The following ADGRB3 variants were observed in gnomAD, a reference collection of about 807,000 sequenced individuals.
ADGRB3 encodes the protein brain-specific angiogenesis inhibitor 3.
A neutral mutation model predicts 193.4 loss-of-function variants in ADGRB3; 37 were observed. The observed-to-expected ratio is 0.19, with a 90% confidence interval of 0.15 to 0.25. ADGRB3 has a LOEUF of 0.25. Ranked by LOEUF, ADGRB3 falls within the 10% of genes least tolerant of loss-of-function variation. ADGRB3 has a pLI of 1.00. For missense variants in ADGRB3, 1,637 were observed against 1,852.9 expected, an observed-to-expected ratio of 0.88 and a Z score of 2.14; for synonymous variants, 690 against 644.2, an observed-to-expected ratio of 1.07 and a Z score of -1.08.
chr6:69,366,808 T>C (rs1165597104), intron 29 of ADGRB3, among the ~76,000 whole-genome samples: 1 of 152,124 alleles, frequency 6.6e-6, no homozygotes, highest in East Asian at 1.9e-4. Flanking sequence ...TTGAACACTT[T>C]TGGCTGTTGT....
intron 3 of ADGRB3, among the ~76,000 whole-genome samples, chr6:68,893,972 T>C (rs1582291518): frequency 6.6e-6 from 1 of 152,078 alleles, no homozygotes; most frequent in East Asian, 1.9e-4. Flanking sequence ...ATAGATGATA[T>C]ATGTATCAAT....
intron 3 of ADGRB3, among the ~76,000 whole-genome samples, chr6:68,865,038 G>A (rs1295315937): frequency 6.6e-6 from 1 of 152,078 alleles, no homozygotes; most frequent in Admixed American, 6.6e-5. Flanking sequence ...TTTCTATACT[G>A]AAGGCTAACT....
intron 17 of ADGRB3, among the ~76,000 whole-genome samples, chr6:69,154,747 G>A (rs1774783852): frequency 6.6e-6 from 1 of 152,008 alleles, no homozygotes; most frequent in Non-Finnish European, 1.5e-5. Flanking sequence ...TTCACACAAT[G>A]CCTACCCCAT....
chr6:69,124,557 T>C (rs1773805441), intron 17 of ADGRB3, among the ~76,000 whole-genome samples: 1 of 152,166 alleles, frequency 6.6e-6, no homozygotes. Flanking sequence ...TTACATACTT[T>C]ATAGAGACTG....
chr6:69,079,870 G>A (rs893949606), intron 17 of ADGRB3, among the ~76,000 whole-genome samples: 11 of 151,936 alleles, frequency 7.2e-5, no homozygotes, highest in African/African-American at 1.9e-4. Flanking sequence ...AAAGTGTTTC[G>A]TTAATCCATT....
chr6:68,967,423 T>G (rs1184642061), intron 8 of ADGRB3, among the ~76,000 whole-genome samples: 1 of 152,066 alleles, frequency 6.6e-6, no homozygotes, highest in East Asian at 1.9e-4. Flanking sequence ...TGGGGGATTC[T>G]AAAAAATGGT....
intron 17 of ADGRB3, among the ~76,000 whole-genome samples, chr6:69,102,532 G>T (rs1424346718): frequency 2.6e-5 from 4 of 152,192 alleles, no homozygotes; most frequent in Non-Finnish European, 5.9e-5. Flanking sequence ...GGGATCAGGG[G>T]TTGCTGGCAT....
chr6:69,071,769 GT>G (rs1772086946), intron 16 of ADGRB3, among the ~76,000 whole-genome samples: 1 of 151,936 alleles, frequency 6.6e-6, no homozygotes, highest in Non-Finnish European at 1.5e-5. Flanking sequence ...CATCTGTCTT[GT>G]TTACCTGAGA....
chr6:68,705,124 C>A (rs535426084), intron 3 of ADGRB3, among the ~76,000 whole-genome samples: 6 of 152,158 alleles, frequency 3.9e-5, no homozygotes, highest in Non-Finnish European at 8.8e-5. Flanking sequence ...TTATTAGGCA[C>A]CAACTTTGTA....
chr6:68,699,250 T>A (rs1765203587), intron 3 of ADGRB3, among the ~76,000 whole-genome samples: 1 of 152,042 alleles, frequency 6.6e-6, no homozygotes. Context: ...ACCAGATGGG[T>A]GCATCTATTT....
chr6:69,059,330 T>G (rs1297774690), intron 15 of ADGRB3, among the ~76,000 whole-genome samples: 2 of 152,114 alleles, frequency 1.3e-5, no homozygotes, highest in Non-Finnish European at 2.9e-5. Context: ...TACTTTTACT[T>G]TCAGTCTATG....
chr6:68,754,136 C>T (rs1036148547), intron 3 of ADGRB3, among the ~76,000 whole-genome samples: 2 of 152,104 alleles, frequency 1.3e-5, no homozygotes, highest in African/African-American at 4.8e-5. Context: ...AAGTTGAAGA[C>T]TAAATCTAAG....
chr6:68,876,115 T>C lies in ADGRB3; in HGVS notation c.758-54444T>C, dbSNP rs118131083. On this transcript the variant is annotated intron_variant, in intron 3 of 31. Coordinates refer to ENST00000370598, the MANE Select transcript of ADGRB3 (RefSeq NM_001704.3). ...TAAATACTTATTCAATCAATAAATA[T>C]GTATTAAGGATACCAATCAGACAGA... Among the ~76,000 whole-genome samples, 132 of 152,310 alleles carry C rather than the reference T, an allele frequency of 8.7e-4. 1 individual carries two copies. The highest frequency in any genetic ancestry group is 2.0e-3 in the Admixed American group (31 of 15,292).
At chr6:68,979,108 GT>G (rs1554232231) in intron 10 of ADGRB3, among the ~76,000 whole-genome samples, 2 of 144,886 alleles carry the variant, frequency 1.4e-5, no homozygotes, top group East Asian at 2.0e-4. Flanking sequence ...TGGACATTTG[GT>G]TTTTTTCTTT....
chr6:68,793,169 T>A (rs960847511), intron 3 of ADGRB3, among the ~76,000 whole-genome samples: 1 of 152,170 alleles, frequency 6.6e-6, no homozygotes, highest in Non-Finnish European at 1.5e-5. Flanking sequence ...ATAGCACAAG[T>A]TCGTGTACAT....
At chr6:69,115,839 T>TTAAAA (rs1274451184) in intron 17 of ADGRB3, among the ~76,000 whole-genome samples, 2 of 152,008 alleles carry the variant, frequency 1.3e-5, no homozygotes, top group Admixed American at 1.3e-4. Flanking sequence ...GGCATATGAG[T>TTAAAA]TAAAATAAAA....
intron 9 of ADGRB3, 92 bp from the exon 10 acceptor site, chr6:68,975,142 A>G (rs1768706491): frequency 8.6e-6 from 9 of 1,042,324 alleles, no homozygotes; most frequent in African/African-American, 1.6e-5. Context: ...GAAAAAAAGT[A>G]CAAACTTAAT....
intron 11 of ADGRB3, among the ~76,000 whole-genome samples, chr6:68,998,858 G>A (rs931231332): frequency 5.3e-5 from 8 of 152,184 alleles, no homozygotes; most frequent in African/African-American, 1.7e-4. Context: ...CGGGTCATAA[G>A]ATGAAGCTCC....
At chr6:68,978,715 C>T (rs893464905) in intron 10 of ADGRB3, among the ~76,000 whole-genome samples, 4 of 151,524 alleles carry the variant, frequency 2.6e-5, no homozygotes, top group Admixed American at 2.0e-4. Context: ...TTTGAGACTT[C>T]CTCAAATTCT....
Sources: allele counts gnomAD v4.1 joint callset (sites outside exome capture counted in the v4.1 genomes callset), GRCh38; gene constraint gnomAD v4.1.1; transcripts MANE v1.5; gene names NCBI Gene and HGNC (gene_info 2026-07-23, HGNC 2026-07-21).